Variants in SPTB observed in about 807,000 individuals in gnomAD.
SPTB encodes the protein spectrin beta chain, erythrocytic.
SPTB carries 45 observed loss-of-function variants against 256.2 expected under a neutral mutation model. The ratio of observed to expected loss-of-function variants is 0.18; its 90% CI spans 0.14 to 0.23. The LOEUF is 0.23. Among genes scored for constraint, SPTB ranks in the 10% least tolerant of loss-of-function variants. The pLI, the probability that SPTB is intolerant of heterozygous loss-of-function variation, is 1.00. For missense variants in SPTB, 2,715 were observed against 3,040.4 expected (o/e 0.89, Z 2.52); for synonymous variants, 1,231 against 1,243.1 (o/e 0.99, Z 0.21).
intron 27 of SPTB, among the ~76,000 whole-genome samples, chr14:64,770,534 G>A (rs2082264252): frequency 2.0e-5 from 3 of 152,322 alleles, no homozygotes; most frequent in South Asian, 4.1e-4. Context: ...ACATCCCAGG[G>A]CTGGGAGAAG....
At position 64,779,605 on chromosome 14, in the gene SPTB, G is replaced by A. The variant is rs1323319405; in HGVS notation, c.4473+120C>T. The A allele has an allele frequency of 1.1e-5, 11 of 997,876 alleles. No homozygotes were observed. Among genetic ancestry groups the A allele is most frequent in the Admixed American group, 1.7e-5 (1 of 59,068 alleles). 61.8% of individuals were successfully genotyped at this position (997,876 alleles called of 1,614,324 possible). Reference sequence around the variant, plus strand: ...TGTAATCCTCACAAGAACCCTATGAGATAAGGGGTGAGGTGACCAGTCATC... The same window carrying A: ...TGTAATCCTCACAAGAACCCTATGAAATAAGGGGTGAGGTGACCAGTCATC... On this transcript the variant is annotated intron_variant, in intron 21 of 35. Transcript: ENST00000644917. The surrounding 1 kb of genome is among the most constrained non-coding windows in gnomAD (Gnocchi z 4.2).
chr14:64,844,297 G>A lies in SPTB; in HGVS notation c.-51-21152C>T, dbSNP rs529051962. Among the ~76,000 whole-genome samples, 1 of 152,324 alleles carries A rather than the reference G, an allele frequency of 6.6e-6. No individual in the cohort carries two copies. Among genetic ancestry groups the A allele is most frequent in the African/African-American group, 2.4e-5 (1 of 41,574 alleles). On this transcript the variant is annotated intron_variant, in intron 1 of 35. Transcript: ENST00000644917. This position sits in a 1 kb window ranked among gnomAD's most constrained non-coding sequence, Gnocchi z 4.1. ...TCAGTTGTGAATTATCCACCTATGT[G>A]TGAAGGGACCAGGTCCCAACACACA... is the stretch of plus-strand genomic sequence containing the variant.
At chr14:64,874,209 C>A (rs1326714522) in intron 1 of SPTB, among the ~76,000 whole-genome samples, 3 of 152,206 alleles carry the variant, frequency 2.0e-5, no homozygotes, top group Non-Finnish European at 4.4e-5. Flanking sequence ...GCCCCACTCG[C>A]AGGCCCCCTC....
chr14:64,775,240 C>T lies in SPTB; in HGVS notation c.4727G>A (p.Arg1576Lys). The T allele has an allele frequency of 6.2e-7, 1 of 1,613,722 alleles. No individual in the cohort carries two copies. Among genetic ancestry groups the T allele is most frequent in the Non-Finnish European group, 8.5e-7 (1 of 1,180,040 alleles). Reference sequence around the variant, plus strand: ...GTTGGCGTCCCTCAGTCGCTGCAGCCTCCCGGCCGCTGCCTCCCGCAGCCT... The same window carrying T: ...GTTGGCGTCCCTCAGTCGCTGCAGCTTCCCGGCCGCTGCCTCCCGCAGCCT... ...WDRLREAAAG[R>K]LQRLRDANEA... Residue 1576 changes from arginine to lysine, a missense_variant, in exon 23 of 36, where the codon AGG becomes AAG. This residue lies in a region of SPTB where 2,239 missense variants were observed against 2,384.4 expected (regional missense o/e 0.94). Transcript: ENST00000644917. This position sits in a 1 kb window ranked among gnomAD's most constrained non-coding sequence, Gnocchi z 5.0.
intron 32 of SPTB, among the ~76,000 whole-genome samples, chr14:64,766,133 G>A (rs2082175581): frequency 6.7e-6 from 1 of 150,122 alleles, no homozygotes. Context: ...TGTGGTGTGG[G>A]TGCATGTGGG....
chr14:64,845,214 T>C lies in SPTB; in HGVS notation c.-51-22069A>G, dbSNP rs540535829. Among the ~76,000 whole-genome samples the C allele has an allele frequency of 6.6e-6, 1 of 152,368 alleles. No homozygotes were observed. The highest frequency in any genetic ancestry group is 2.1e-4 in the South Asian group (1 of 4,830). ...TACACAGTTTGCTACACCCACTGCA[T>C]GTGGACATCCTTATCAGAAAATAGC... On this transcript the variant is annotated intron_variant, in intron 1 of 35. Transcript: ENST00000644917. This position sits in a 1 kb window ranked among gnomAD's most constrained non-coding sequence, Gnocchi z 4.8.
chr14:64,824,068 A>C lies in SPTB; in HGVS notation c.-51-923T>G, dbSNP rs776292493. Among the ~76,000 whole-genome samples the C allele has an allele frequency of 2.0e-5, 3 of 152,238 alleles. No individual in the cohort carries two copies. The highest frequency in any genetic ancestry group is 4.4e-5 in the Non-Finnish European group (3 of 68,044). ...CCAACTAGGTGGCAGGCACTGTACT[A>C]GGCAGGGGCAAGTAAGACAGGAAAG... On this transcript the variant is annotated intron_variant, in intron 1 of 35. Transcript: ENST00000644917. This position sits in a 1 kb window ranked among gnomAD's most constrained non-coding sequence, Gnocchi z 5.7.
rs192494489 is a variant in SPTB at position 64,796,239 on chromosome 14, C to A, written c.1341+318G>T. 2.2e-3 allele frequency among the ~76,000 whole-genome samples: 328 copies of A among 152,308 alleles called. 3 individuals are homozygous for A. Among genetic ancestry groups the A allele is most frequent in the African/African-American group, 7.7e-3 (319 of 41,560 alleles). On this transcript the variant is annotated intron_variant, in intron 11 of 35. Coordinates refer to ENST00000644917, the MANE Select transcript of SPTB (RefSeq NM_001355436.2). The surrounding 1 kb of genome is among the most constrained non-coding windows in gnomAD (Gnocchi z 4.1). ...ATGCCTGACACAGACAAGGTGCAGT[C>A]TGTGATTTTACCATATCCCCCAAGA...
chr14:64,774,909 A>C (rs916313849), intron 23 of SPTB, among the ~76,000 whole-genome samples: 2 of 152,106 alleles, frequency 1.3e-5, no homozygotes, highest in Non-Finnish European at 2.9e-5. Context: ...AGCAAACCTA[A>C]GTGGGTAAAC....
At chr14:64,817,673 T>C (rs229669) in intron 2 of SPTB, among the ~76,000 whole-genome samples, 15,967 of 152,232 alleles carry the variant, frequency 0.1, 1,058 homozygotes, top group African/African-American at 0.19. Flanking sequence ...CCTAGGCAAC[T>C]GGGGCACCTG....
intron 2 of SPTB, among the ~76,000 whole-genome samples, chr14:64,805,341 C>T (rs1440283058): frequency 6.6e-6 from 1 of 152,130 alleles, no homozygotes; most frequent in Admixed American, 6.5e-5. Context: ...TATCAGGACA[C>T]CTCTAATTCA....
chr14:64,754,416 T>C (rs900798071), intron 32 of SPTB: 3 of 167,264 alleles, frequency 1.8e-5, no homozygotes, highest in Non-Finnish European at 4.0e-5. Flanking sequence ...ATGGGAACTT[T>C]TTGGACAGGG....
At chr14:64,763,826 G>A (rs765217247) in intron 32 of SPTB, 18 of 518,882 alleles carry the variant, frequency 3.5e-5, no homozygotes, top group Non-Finnish European at 6.2e-5. Context: ...GAGGGAAGGC[G>A]GTGGGACCGT....
chr14:64,809,196 A>C (rs956168002), intron 2 of SPTB, among the ~76,000 whole-genome samples: 1 of 139,448 alleles, frequency 7.2e-6, no homozygotes, highest in Non-Finnish European at 1.5e-5. Context: ...CAGGAGGCAG[A>C]GGTTGCAGTG....
rs902000496 is a variant in SPTB, at chr14:64,825,482, T to C, written c.-51-2337A>G. Reference sequence around the variant, plus strand: ...GGCCCCACACCTTTCTCTATTTCCCTTAAGGGAAACTACCACTGACTTGGT... The same window carrying C: ...GGCCCCACACCTTTCTCTATTTCCCCTAAGGGAAACTACCACTGACTTGGT... On this transcript the variant is annotated intron_variant, in intron 1 of 35. Transcript: ENST00000644917. The surrounding 1 kb of genome is among the most constrained non-coding windows in gnomAD (Gnocchi z 4.8). Among the ~76,000 whole-genome samples, 1 of 145,106 alleles carries C rather than the reference T, an allele frequency of 6.9e-6. No individual in the cohort carries two copies. The highest frequency in any genetic ancestry group is 1.5e-5 in the Non-Finnish European group (1 of 65,726).
chr14:64,762,603 G>A (rs1311896061), intron 32 of SPTB, among the ~76,000 whole-genome samples: 1 of 152,240 alleles, frequency 6.6e-6, no homozygotes, highest in African/African-American at 2.4e-5. Flanking sequence ...GGAGACGCAA[G>A]GGACCTAGGA....
chr14:64,823,716 C>T lies in SPTB; in HGVS notation c.-51-571G>A, dbSNP rs77763205. Reference sequence around the variant, plus strand: ...TGCACTGGGGGGACTTCACTCCTCCCGGAGGCTTTCTGAGAGCCCTCTGAG... The same window carrying T: ...TGCACTGGGGGGACTTCACTCCTCCTGGAGGCTTTCTGAGAGCCCTCTGAG... On this transcript the variant is annotated intron_variant, in intron 1 of 35. Coordinates refer to ENST00000644917, the MANE Select transcript of SPTB (RefSeq NM_001355436.2). This position sits in a 1 kb window ranked among gnomAD's most constrained non-coding sequence, Gnocchi z 6.5. 0.016 allele frequency among the ~76,000 whole-genome samples: 2,396 copies of T among 152,266 alleles called. 29 individuals carry two copies. The highest frequency in any genetic ancestry group is 0.078 in the Middle Eastern group (23 of 294).
rs776064877 is a variant in SPTB, at chr14:64,801,734, G to A, written c.647+20C>T. The A allele has an allele frequency of 3.7e-5, 60 of 1,610,816 alleles. No individual in the cohort carries two copies. Among genetic ancestry groups the A allele is most frequent in the Non-Finnish European group, 4.6e-5 (54 of 1,177,214 alleles). On this transcript the variant is annotated intron_variant, in intron 6 of 35. Transcript: ENST00000644917. ...GGAGGCTGTCTCAGTCAGTCCCCAC[G>A]GCTGTCCCCTCCCTCTTACCGGTGC...
intron 29 of SPTB, 78 bp from the exon 30 acceptor site, chr14:64,767,937 G>T: frequency 6.5e-7 from 1 of 1,532,606 alleles, no homozygotes; most frequent in Non-Finnish European, 8.9e-7. Context: ...CCTGATTGGG[G>T]CCAGTGGTCA....
Sources: allele counts gnomAD v4.1 joint callset (sites outside exome capture counted in the v4.1 genomes callset), GRCh38; gene constraint gnomAD v4.1.1; regional missense constraint gnomAD v4.1.1; non-coding constraint Gnocchi (gnomAD v3.1); transcripts MANE v1.5; gene names NCBI Gene and HGNC (gene_info 2026-07-23, HGNC 2026-07-21).